CROT: variants seen among roughly 807,000 people sequenced by gnomAD.
The protein encoded by CROT is peroxisomal carnitine O-octanoyltransferase.
In CROT, 84 loss-of-function variants were observed where a neutral mutation model predicts 89.2. The ratio of observed to expected loss-of-function variants is 0.94; its 90% confidence interval spans 0.79 to 1.13. The LOEUF is 1.13. Among genes scored for constraint, CROT ranks in the 50% most tolerant of loss-of-function variants. The pLI is 0.00. For synonymous variants in CROT, 212 were observed against 239.5 expected (o/e 0.89, Z 1.06); for missense variants, 711 against 727.8 (o/e 0.98, Z 0.27).
Position 87,398,941 on chromosome 7 carries a change from C to T in CROT, c.*297C>T. 3.5e-6 allele frequency: 1 copy of T among 282,950 alleles called. No individual in the cohort carries two copies. The highest frequency in any genetic ancestry group is 8.6e-5 in the East Asian group (1 of 11,634). 17.5% of individuals were successfully genotyped at this position (282,950 alleles called of 1,614,324 possible). On this transcript the variant is annotated 3_prime_UTR_variant, in exon 18 of 18. Coordinates refer to ENST00000331536, the MANE Select transcript of CROT (RefSeq NM_021151.4). The stretch of plus-strand genomic sequence containing the variant: ...TCCAAATCTACAAACTTTAACAATG[C>T]AAGTCTTACTCTAATTTTTAAGTAT...
At chr7:87,359,356 G>T (rs1355802798) in intron 4 of CROT, 26 bp downstream of exon 4, 1 of 1,569,346 alleles carries the variant, frequency 6.4e-7, no homozygotes, top group Non-Finnish European at 8.6e-7. Flanking sequence ...ATTGAATAAT[G>T]ATGATGTTTA....
At chr7:87,358,121 A>G (rs1806144640) in intron 3 of CROT, among the ~76,000 whole-genome samples, 1 of 152,144 alleles carries the variant, frequency 6.6e-6, no homozygotes, top group African/African-American at 2.4e-5. Flanking sequence ...CTAGACTTGT[A>G]ATAAAGTATA....
intron 17 of CROT, among the ~76,000 whole-genome samples, chr7:87,397,930 C>A (rs1032899337): frequency 4.6e-5 from 7 of 152,152 alleles, no homozygotes; most frequent in Non-Finnish European, 5.9e-5. Flanking sequence ...AGCTCTAAGT[C>A]AGGCTTCTCT....
chr7:87,377,526 C>A, intron 10 of CROT, 76 bp downstream of exon 10: 1 of 861,990 alleles, frequency 1.2e-6, no homozygotes, highest in Non-Finnish European at 1.9e-6. Flanking sequence ...AATACTTGTG[C>A]TGGGGAACAG....
intron 3 of CROT, among the ~76,000 whole-genome samples, chr7:87,358,963 C>T (rs1806188413): frequency 6.6e-6 from 1 of 152,156 alleles, no homozygotes; most frequent in Non-Finnish European, 1.5e-5. Context: ...CAGTCCTTTG[C>T]CCATCTCCCT....
At chr7:87,392,525 G>T (rs371147094) in intron 14 of CROT, 41 bp from the exon 15 acceptor site, 21 of 1,517,754 alleles carry the variant, frequency 1.4e-5, no homozygotes, top group Non-Finnish European at 1.6e-5. Context: ...GTTGGGTTTT[G>T]CACAGTGTGT....
chr7:87,363,860 T>C (rs944019594), intron 6 of CROT, among the ~76,000 whole-genome samples: 1 of 152,204 alleles, frequency 6.6e-6, no homozygotes, highest in Admixed American at 6.5e-5. Flanking sequence ...GATTATGGCA[T>C]TGGAGTGGTG....
chr7:87,346,869 G>C (rs977278142), intron 2 of CROT, among the ~76,000 whole-genome samples: 1 of 152,232 alleles, frequency 6.6e-6, no homozygotes, highest in African/African-American at 2.4e-5. Context: ...GGTGGGCTTA[G>C]CTGAGTACTT....
intron 2 of CROT, among the ~76,000 whole-genome samples, chr7:87,347,247 C>A (rs1178676164): frequency 6.6e-6 from 1 of 152,162 alleles, no homozygotes; most frequent in Non-Finnish European, 1.5e-5. Flanking sequence ...TCACCATATT[C>A]GCAGGTTCTG....
intron 13 of CROT, among the ~76,000 whole-genome samples, chr7:87,383,893 T>C (rs1391051929): frequency 6.6e-6 from 1 of 152,172 alleles, no homozygotes; most frequent in Non-Finnish European, 1.5e-5. Context: ...AGTGTGGCTA[T>C]CTCTTTGATA....
rs755005461 is a variant in CROT, at chr7:87,392,807, C to G, written c.1582C>G (p.Pro528Ala). The part of the protein sequence containing the change: ...GLPVPELFTD[P>A]LFSKSGGGGN... ...TCCTGTTCCAGAACTCTTTACGGAC[C>G]CACTTTTTTCCAAAAGGTAATATAG... Residue 528 changes from proline to alanine, a missense_variant, in exon 16 of 18, where the codon CCA becomes GCA. By Grantham distance (27) the Pro-to-Ala change is conservative. Coordinates refer to ENST00000331536, the MANE Select transcript of CROT (RefSeq NM_021151.4). 16 of 1,613,282 alleles carry G rather than the reference C, an allele frequency of 9.9e-6. No homozygotes were observed. The highest frequency in any genetic ancestry group is 8.9e-5 in the East Asian group (4 of 44,872).
At chr7:87,350,736 G>C (rs149165739) in intron 3 of CROT, among the ~76,000 whole-genome samples, 175 of 152,258 alleles carry the variant, frequency 1.1e-3, no homozygotes, top group African/African-American at 4.0e-3. Flanking sequence ...ACTTTGATTA[G>C]TTAAGACCAG....
At chr7:87,365,711 A>G (rs1415517838) in intron 6 of CROT, among the ~76,000 whole-genome samples, 3 of 149,758 alleles carry the variant, frequency 2.0e-5, no homozygotes, top group Non-Finnish European at 4.4e-5. Flanking sequence ...GGGCTCTAAC[A>G]GTCCTCCCAC....
Position 87,382,428 on chromosome 7 carries a change from A to T in CROT, c.1186A>T (p.Ile396Phe), listed in dbSNP as rs753442527. The T allele has an allele frequency of 6.2e-7, 1 of 1,613,548 alleles. No homozygotes were observed. The highest frequency in any genetic ancestry group is 1.1e-5 in the South Asian group (1 of 90,946). ...QYLREASDLQIAAYAFTSFGK... is the reference protein window; with the variant it reads ...QYLREASDLQFAAYAFTSFGK... ...TTCTTGTTAGGCATCTGATCTACAG[A>T]TTGCGGCTTATGCCTTTACATCTTT... Residue 396 changes from isoleucine to phenylalanine, a missense_variant, in exon 13 of 18, where the codon ATT becomes TTT. Transcript: ENST00000331536.
At chr7:87,357,438 G>A in intron 3 of CROT, 1 of 1,549,088 alleles carries the variant, frequency 6.5e-7, no homozygotes, top group Non-Finnish European at 8.7e-7. Flanking sequence ...ATTTATCAGA[G>A]GTGGCCAATT....
chr7:87,371,443 A>AT (rs2115898165), intron 7 of CROT, among the ~76,000 whole-genome samples: 1 of 152,348 alleles, frequency 6.6e-6, no homozygotes, highest in East Asian at 1.9e-4. Context: ...TCTTTATGAT[A>AT]TGACATTAAA....
chr7:87,356,398 T>C (rs1806070071), intron 3 of CROT, among the ~76,000 whole-genome samples: 1 of 152,172 alleles, frequency 6.6e-6, no homozygotes, highest in Admixed American at 6.5e-5. Flanking sequence ...CAAATGAGTT[T>C]CTAACATGTA....
At position 87,382,427 on chromosome 7, in the gene CROT, G is replaced by T; in HGVS notation, c.1185G>T (p.Gln395His). ...AQYLREASDL[Q>H]IAAYAFTSFG... ...CTTCTTGTTAGGCATCTGATCTACA[G>T]ATTGCGGCTTATGCCTTTACATCTT... is the stretch of plus-strand genomic sequence containing the variant. Residue 395 changes from glutamine to histidine, a missense_variant, in exon 13 of 18, where the codon CAG becomes CAT. Physicochemically the swap from Gln to His is conservative, Grantham distance 24. Coordinates refer to ENST00000331536, the MANE Select transcript of CROT (RefSeq NM_021151.4). The T allele has an allele frequency of 1.9e-6, 3 of 1,613,526 alleles. No homozygotes were observed. Among genetic ancestry groups the T allele is most frequent in the Non-Finnish European group, 2.5e-6 (3 of 1,179,770 alleles).
chr7:87,398,731 GTTGACTTGCTAACATTCCT>G lies in CROT; in HGVS notation c.*90_*108del. The G allele has an allele frequency of 7.9e-7, 1 of 1,272,924 alleles. No homozygotes were observed. The highest frequency in any genetic ancestry group is 1.1e-6 in the Non-Finnish European group (1 of 915,882). The allele number at this position is 1,272,924 out of a possible 1,614,324, so 78.9% of individuals were successfully genotyped here. On this transcript the variant is annotated 3_prime_UTR_variant, in exon 18 of 18. Transcript: ENST00000331536. ...TTGGTAATATGAGATGGGAAGGAAT[GTTGACTTGCTAACATTCCT>G]TTAACAAGTTAAGAAAACTTGTTAA...
Sources: gnomAD v4.1 joint callset for allele counts (sites outside exome capture counted in the v4.1 genomes callset) on GRCh38, gnomAD v4.1.1 for gene constraint, MANE v1.5 for transcripts, NCBI Gene and HGNC (gene_info 2026-07-23, HGNC 2026-07-21) for gene names.